Variants in COL22A1 observed in about 807,000 individuals in gnomAD.
COL22A1 encodes the protein collagen alpha-1(XXII) chain.
Under a neutral mutation model 248.9 loss-of-function variants are expected in COL22A1, and 221 were observed. The observed-to-expected ratio is 0.89, with a 90% CI of 0.80 to 0.99. The LOEUF (loss-of-function observed/expected upper bound fraction) is 0.99, where lower values mean the gene tolerates loss of function less well. Ranked by LOEUF, COL22A1 falls within the 50% of genes least tolerant of loss-of-function variation. The pLI, the probability that COL22A1 is intolerant of heterozygous loss-of-function variation, is 0.00. For synonymous variants in COL22A1, 891 were observed against 793.4 expected, an observed-to-expected ratio of 1.12 and a Z score of -2.07; for missense variants, 2,240 against 2,179.0, an observed-to-expected ratio of 1.03 and a Z score of -0.56.
chr8:138,594,244 G>A (rs1259922675), intron 62 of COL22A1, 45 bp from the exon 63 acceptor site: 4 of 1,517,906 alleles, frequency 2.6e-6, no homozygotes, highest in African/African-American at 1.4e-5. Flanking sequence ...AACAGATAGT[G>A]GACATAGGAC....
At chr8:138,782,139 AAAAG>A (rs762588354) in intron 12 of COL22A1, among the ~76,000 whole-genome samples, 12 of 152,274 alleles carry the variant, frequency 7.9e-5, no homozygotes, top group Non-Finnish European at 1.3e-4. Flanking sequence ...TGTGATATTG[AAAAG>A]AAAGACTGAC....
At chr8:138,834,327 C>T (rs957613820) in intron 4 of COL22A1, among the ~76,000 whole-genome samples, 1 of 148,206 alleles carries the variant, frequency 6.7e-6, no homozygotes, top group Non-Finnish European at 1.5e-5. Flanking sequence ...CTCTAAGGCA[C>T]TACTGAAAAA....
intron 6 of COL22A1, chr8:138,825,819 T>C (rs1819534017): frequency 6.6e-6 from 1 of 152,230 alleles, no homozygotes; most frequent in Non-Finnish European, 1.5e-5. Context: ...TTCATTTTAC[T>C]AGGAGAGGAG....
At chr8:138,661,035 T>C (rs1370590117) in intron 43 of COL22A1, among the ~76,000 whole-genome samples, 3 of 134,266 alleles carry the variant, frequency 2.2e-5, no homozygotes, top group South Asian at 2.5e-4. Flanking sequence ...CACACACATA[T>C]ACAGACACAC....
intron 2 of COL22A1, among the ~76,000 whole-genome samples, chr8:138,879,378 T>C (rs1220702105): frequency 1.3e-5 from 2 of 152,022 alleles, no homozygotes; most frequent in South Asian, 4.2e-4. Flanking sequence ...TGCACAAATA[T>C]ACAAGGAACT....
At chr8:138,687,226 G>A (rs1826429876) in intron 37 of COL22A1, among the ~76,000 whole-genome samples, 1 of 152,158 alleles carries the variant, frequency 6.6e-6, no homozygotes, top group African/African-American at 2.4e-5. Context: ...GAAAGTACTG[G>A]GATTACAGGC....
At chr8:138,614,969 T>C (rs989838120) in intron 55 of COL22A1, among the ~76,000 whole-genome samples, 1 of 152,184 alleles carries the variant, frequency 6.6e-6, no homozygotes, top group African/African-American at 2.4e-5. Flanking sequence ...AGGACCCACA[T>C]GGTGGGCATG....
At chr8:138,833,176 G>T in intron 4 of COL22A1, 26 bp from the exon 5 acceptor site, 2 of 1,504,698 alleles carry the variant, frequency 1.3e-6, no homozygotes, top group Non-Finnish European at 1.9e-6. Context: ...AGCTGGGAGT[G>T]AGTTTGGAGA....
chr8:138,644,051 G>T (rs769983322), intron 47 of COL22A1, among the ~76,000 whole-genome samples: 8 of 151,980 alleles, frequency 5.3e-5, no homozygotes, highest in Non-Finnish European at 7.4e-5. Context: ...CAAAGTGCTG[G>T]GATTACAGGT....
At chr8:138,846,156 G>A (rs1164744917) in intron 3 of COL22A1, among the ~76,000 whole-genome samples, 1 of 152,212 alleles carries the variant, frequency 6.6e-6, no homozygotes. Context: ...TACAGGCACA[G>A]CACAATATTT....
At chr8:138,748,098 G>A (rs1484485502) in intron 22 of COL22A1, among the ~76,000 whole-genome samples, 1 of 152,116 alleles carries the variant, frequency 6.6e-6, no homozygotes, top group East Asian at 1.9e-4. Context: ...TGATTTCAAT[G>A]CTCCCATTGA....
chr8:138,874,323 G>A (rs753833313), intron 3 of COL22A1, among the ~76,000 whole-genome samples: 2 of 152,182 alleles, frequency 1.3e-5, no homozygotes, highest in Admixed American at 6.5e-5. Flanking sequence ...CAGGGCGGAC[G>A]TGTGTTCTGG....
chr8:138,616,937 C>T lies in COL22A1; in HGVS notation c.3847G>A (p.Asp1283Asn), dbSNP rs201466957. The T allele has an allele frequency of 5.5e-5, 88 of 1,614,058 alleles. No individual in the cohort carries two copies. The highest frequency in any genetic ancestry group is 6.4e-5 in the Non-Finnish European group (76 of 1,180,040). ...ACCCGGGGACCGGGTGCACCAGAAT[C>T]GCCTGTGTGTCCCTTGAAGCCCTAG... ...GPPGFKGHTGDSGAPGPRGES... is the reference protein window; with the variant it reads ...GPPGFKGHTGNSGAPGPRGES... Residue 1283 changes from aspartate to asparagine, a missense_variant, in exon 54 of 65, where the codon GAT becomes AAT. Transcript: ENST00000303045.
chr8:138,910,341 A>G (rs1306641121), intron 1 of COL22A1, among the ~76,000 whole-genome samples: 2 of 152,130 alleles, frequency 1.3e-5, no homozygotes, highest in African/African-American at 2.4e-5. Flanking sequence ...ACACATACAC[A>G]TGTACACACA....
chr8:138,676,419 A>AAGAAAGAC, intron 41 of COL22A1, 139 bp downstream of exon 41: 1 of 253,528 alleles, frequency 3.9e-6, no homozygotes, highest in Admixed American at 9.5e-5. Flanking sequence ...AAGAAAAAGA[A>AAGAAAGAC]AGAAAGAAAG....
chr8:138,683,432 G>A (rs1480526721), intron 39 of COL22A1, among the ~76,000 whole-genome samples: 1 of 152,058 alleles, frequency 6.6e-6, no homozygotes, highest in African/African-American at 2.4e-5. Flanking sequence ...TGAATTGTGG[G>A]TGCAACTGAA....
chr8:138,781,004 C>G (rs770221659), intron 12 of COL22A1, 24 bp from the exon 13 acceptor site: 3 of 1,555,486 alleles, frequency 1.9e-6, no homozygotes, highest in African/African-American at 2.7e-5. Context: ...AAGAGAATAG[C>G]AATTAGTAAA....
At chr8:138,600,193 T>C (rs982335110) in intron 60 of COL22A1, among the ~76,000 whole-genome samples, 2 of 152,202 alleles carry the variant, frequency 1.3e-5, no homozygotes, top group African/African-American at 4.8e-5. Flanking sequence ...ACTGTGTGTT[T>C]GACCAGCAAG....
chr8:138,817,556 C>G (rs1466414189), intron 7 of COL22A1, among the ~76,000 whole-genome samples: 1 of 152,166 alleles, frequency 6.6e-6, no homozygotes, highest in Non-Finnish European at 1.5e-5. Context: ...ACTACTTCTA[C>G]TATACTAGGG....
Sources: gnomAD v4.1 joint callset for allele counts (sites outside exome capture counted in the v4.1 genomes callset) on GRCh38, gnomAD v4.1.1 for gene constraint, MANE v1.5 for transcripts, NCBI Gene and HGNC (gene_info 2026-07-23, HGNC 2026-07-21) for gene names.